LRRFIP2: variants seen among roughly 807,000 people sequenced by gnomAD.
LRRFIP2 encodes leucine-rich repeat flightless-interacting protein 2.
LRRFIP2 carries 109 observed loss-of-function variants against 125.9 expected under a neutral mutation model. That is an observed-to-expected ratio of 0.87 (90% CI 0.74 to 1.01). The LOEUF is 1.01. Ranked by LOEUF, LRRFIP2 falls within the 50% of genes least tolerant of loss-of-function variation. The pLI, the probability that LRRFIP2 is intolerant of heterozygous loss-of-function variation, is 0.00. For synonymous variants in LRRFIP2, 291 were observed against 293.1 expected (o/e 0.99, Z 0.07); for missense variants, 850 against 862.3 (o/e 0.99, Z 0.18).
intron 20 of LRRFIP2, among the ~76,000 whole-genome samples, chr3:37,073,442 C>T (rs2091578058): frequency 1.3e-5 from 2 of 151,978 alleles, no homozygotes. Flanking sequence ...CCTTAAATGA[C>T]CTTTCTAATT....
chr3:37,052,885 CTT>C lies in LRRFIP2; in HGVS notation c.*964_*965del, dbSNP rs1311182847. ...GTACCTCTAAAGGTGAAACTCAAGT[CTT>C]TAAAAGTTCTACATTCCAGATTGTT... On this transcript the variant is annotated 3_prime_UTR_variant, in exon 28 of 28. Transcript: ENST00000336686. The C allele has an allele frequency of 8.5e-5, 13 of 152,184 alleles. No individual in the cohort carries two copies. Among genetic ancestry groups the C allele is most frequent in the Non-Finnish European group, 1.8e-4 (12 of 68,016 alleles). 9.4% of individuals were successfully genotyped at this position (152,184 alleles called of 1,614,324 possible).
In LRRFIP2 at chr3:37,156,440, G is replaced by A. The variant is rs537233235; in HGVS notation, c.-55-7402C>T. On this transcript the variant is annotated intron_variant, in intron 1 of 27. Coordinates refer to ENST00000336686, the MANE Select transcript of LRRFIP2 (RefSeq NM_006309.4). ...TGTAATCCCAGCACTTTGGGAGGCT[G>A]AGGCTGGCAGATCATGAGGTCAGGA... Among the ~76,000 whole-genome samples, 15 of 151,488 alleles carry A rather than the reference G, an allele frequency of 9.9e-5. No individual in the cohort carries two copies. In the South Asian group the frequency reaches 3.1e-3, roughly 32 times the overall value.
intron 18 of LRRFIP2, among the ~76,000 whole-genome samples, chr3:37,084,290 A>G (rs993167232): frequency 6.6e-6 from 1 of 152,200 alleles, no homozygotes; most frequent in Non-Finnish European, 1.5e-5. Flanking sequence ...TAAAAATGCC[A>G]ACATAAAGGT....
intron 6 of LRRFIP2, among the ~76,000 whole-genome samples, chr3:37,119,535 G>A (rs898768968): frequency 3.5e-4 from 53 of 152,126 alleles, no homozygotes; most frequent in Admixed American, 2.4e-3. Flanking sequence ...TACACACTGC[G>A]AACATTATAA....
chr3:37,096,690 A>C (rs2093735560), intron 15 of LRRFIP2, 30 bp from the exon 16 acceptor site: 3 of 1,410,840 alleles, frequency 2.1e-6, no homozygotes, highest in South Asian at 1.3e-5. Context: ...AAAATCAGTA[A>C]AGATGCTTAG....
At chr3:37,118,200 T>C (rs1369375672) in intron 6 of LRRFIP2, among the ~76,000 whole-genome samples, 2 of 152,148 alleles carry the variant, frequency 1.3e-5, no homozygotes, top group Non-Finnish European at 2.9e-5. Flanking sequence ...ACCACAGGCA[T>C]GCAGCACCAC....
At chr3:37,127,267 T>C (rs2095307291) in intron 4 of LRRFIP2, among the ~76,000 whole-genome samples, 1 of 151,810 alleles carries the variant, frequency 6.6e-6, no homozygotes, top group Non-Finnish European at 1.5e-5. Context: ...TCAGAGGAAA[T>C]GAAAAGAATT....
rs992546791 is a variant in LRRFIP2 at position 37,148,922 on chromosome 3, T to C, written c.62A>G (p.Asp21Gly). 3 of 1,614,028 alleles carry C rather than the reference T, an allele frequency of 1.9e-6. No homozygotes were observed. The highest frequency in any genetic ancestry group is 2.7e-5 in the African/African-American group (2 of 74,938). The change falls in exon 2 of 28, where the codon GAT (aspartate) becomes GGT (glycine). Residue 21 changes from aspartate to glycine, a missense_variant. Asp to Gly is a moderately conservative substitution (Grantham distance 94, BLOSUM62 -1). Coordinates refer to ENST00000336686, the MANE Select transcript of LRRFIP2 (RefSeq NM_006309.4). ...TPVKDRFSAE[D>G]EALSNIAREA... is the part of the protein sequence containing the mutation. ...TCTGGCAATGTTACTCAAAGCTTCA[T>C]CTTCTGCAGAAAATCGGTCTTTCAC...
intron 17 of LRRFIP2, 57 bp from the exon 18 acceptor site, chr3:37,091,595 C>T (rs926866056): frequency 2.5e-6 from 3 of 1,220,806 alleles, no homozygotes; most frequent in African/African-American, 1.5e-5. Flanking sequence ...TATCTTAAAT[C>T]GCAAAGGATT....
intron 19 of LRRFIP2, among the ~76,000 whole-genome samples, chr3:37,081,437 T>A (rs1431469706): frequency 6.6e-6 from 1 of 152,150 alleles, no homozygotes; most frequent in African/African-American, 2.4e-5. Flanking sequence ...TATCTCTGAA[T>A]ATAAACATTC....
chr3:37,125,095 T>C (rs989387439), intron 4 of LRRFIP2, among the ~76,000 whole-genome samples: 1 of 152,120 alleles, frequency 6.6e-6, no homozygotes, highest in Non-Finnish European at 1.5e-5. Flanking sequence ...TTGATACATT[T>C]AATGAAAATG....
intron 12 of LRRFIP2, 35 bp from the exon 13 acceptor site, chr3:37,108,164 A>G: frequency 6.7e-7 from 1 of 1,502,716 alleles, no homozygotes; most frequent in Non-Finnish European, 9.3e-7. Flanking sequence ...TTTTACAACA[A>G]TGATCACCTC....
Position 37,055,145 on chromosome 3 carries a change from T to C in LRRFIP2, c.1891A>G (p.Ser631Gly). 6.3e-7 allele frequency: 1 copy of C among 1,593,662 alleles called. No homozygotes were observed. Among genetic ancestry groups the C allele is most frequent in the Non-Finnish European group, 8.5e-7 (1 of 1,172,934 alleles). ...TTTGAAAGCTTAAATTTGTATTCGC[T>C]AATTTGTCTATTGGCATCTCCTAGA... ...EMQRDANRQI[S>G]EYKFKLSKAE... Residue 631 changes from serine (S) to glycine (G), a missense_variant, in exon 26 of 28, where the codon AGC becomes GGC. Ser to Gly is a moderately conservative substitution (Grantham distance 56, BLOSUM62 0). Transcript: ENST00000336686.
chr3:37,111,379 C>G (rs945149468), intron 8 of LRRFIP2, among the ~76,000 whole-genome samples: 31 of 152,140 alleles, frequency 2.0e-4, no homozygotes, highest in African/African-American at 7.2e-4. Flanking sequence ...TGAATAATTA[C>G]CAGTTTTACA....
At chr3:37,076,975 A>T (rs1410309481) in intron 19 of LRRFIP2, among the ~76,000 whole-genome samples, 1 of 152,236 alleles carries the variant, frequency 6.6e-6, no homozygotes, top group Non-Finnish European at 1.5e-5. Context: ...AGCTCTGAAT[A>T]TGAAAAGATA....
At position 37,121,655 on chromosome 3, in the gene LRRFIP2, T is replaced by G. The variant is rs1392075895; in HGVS notation, c.265A>C (p.Ser89Arg). 3 of 1,614,202 alleles carry G rather than the reference T, an allele frequency of 1.9e-6. No individual in the cohort carries two copies. In the Admixed American group the frequency reaches 5.0e-5, roughly 27 times the overall value. ...SERARYSHRS[S>R]HHRPYLGVED... ...CAAACCAGATAAGGACGATGGTGAC[T>G]GGACCGGTGGGAATACCTGGCCCTT... The change falls in exon 5 of 28, where the codon AGT (serine) becomes CGT (arginine). Residue 89 changes from serine (S) to arginine (R), a missense_variant. Transcript: ENST00000336686.
intron 2 of LRRFIP2, among the ~76,000 whole-genome samples, chr3:37,145,454 G>A (rs1443338815): frequency 1.3e-5 from 2 of 152,140 alleles, no homozygotes; most frequent in Non-Finnish European, 2.9e-5. Context: ...TGCTAGTACT[G>A]TCTTCAAATT....
chr3:37,064,959 A>G (rs898968231), intron 23 of LRRFIP2: 7 of 152,452 alleles, frequency 4.6e-5, no homozygotes, highest in Admixed American at 3.3e-4. Context: ...GTTTTATTCA[A>G]AGTGCCCTAC....
At chr3:37,094,715 A>C (rs1559811321) in intron 17 of LRRFIP2, 77 bp downstream of exon 17, 3 of 874,536 alleles carry the variant, frequency 3.4e-6, no homozygotes, top group Non-Finnish European at 3.8e-6. Context: ...ACTAAGTCAC[A>C]TTAAAGGTTA....
Sources: gnomAD v4.1 joint callset for allele counts (sites outside exome capture counted in the v4.1 genomes callset) on GRCh38, gnomAD v4.1.1 for gene constraint, MANE v1.5 for transcripts, NCBI Gene and HGNC (gene_info 2026-07-23, HGNC 2026-07-21) for gene names.